Variants in FBN1 observed in about 807,000 individuals in gnomAD.
FBN1 encodes fibrillin-1.
In FBN1, 29 loss-of-function variants were observed where a neutral mutation model predicts 365.1. That is an observed-to-expected ratio of 0.08 (90% confidence interval 0.06 to 0.11). FBN1 has a LOEUF of 0.11. Ranked by LOEUF, FBN1 falls within the 10% of genes least tolerant of loss-of-function variation. The pLI, the probability that FBN1 is intolerant of heterozygous loss-of-function variation, is 1.00. For synonymous variants in FBN1, 1,210 were observed against 1,270.5 expected (o/e 0.95, Z 1.01); for missense variants, 2,476 against 3,703.2 (o/e 0.67, Z 8.60).
Position 48,445,451 on chromosome 15 carries a change from T to C in FBN1, c.5842A>G (p.Ile1948Val), listed in dbSNP as rs766850261. The change falls in exon 48 of 66, where the codon ATT becomes GTT. Residue 1948 changes from isoleucine (I) to valine (V), a missense_variant. Around this residue, in one of 5 missense-constraint regions of FBN1, gnomAD observed 1,780 missense variants for 2,840.8 expected, o/e 0.63. Coordinates refer to ENST00000316623, the MANE Select transcript of FBN1 (RefSeq NM_000138.5). Reference protein sequence around the residue: ...NGNLCRNGQCINTVGSFQCQC... With the variant: ...NGNLCRNGQCVNTVGSFQCQC... Reference sequence around the variant, plus strand: ...CACTGGAAAGACCCCACTGTATTAATGCATTGGCCATTTCTGCAAAGATTC... The same window carrying C: ...CACTGGAAAGACCCCACTGTATTAACGCATTGGCCATTTCTGCAAAGATTC... The C allele has an allele frequency of 2.3e-5, 37 of 1,612,968 alleles. No homozygotes were observed. The highest frequency in any genetic ancestry group is 4.4e-5 in the South Asian group (4 of 91,056).
At chr15:48,565,135 T>C (rs937148736) in intron 6 of FBN1, among the ~76,000 whole-genome samples, 3 of 152,116 alleles carry the variant, frequency 2.0e-5, no homozygotes, top group African/African-American at 7.2e-5. Context: ...AGAACTGAGC[T>C]TAAGGGAAAC....
chr15:48,574,380 C>T lies in FBN1; in HGVS notation c.538+21903G>A, dbSNP rs113303400. On this transcript the variant is annotated intron_variant, in intron 6 of 65. Transcript: ENST00000316623. Reference sequence around the variant, plus strand: ...CATGGATGAAGCATGGCACTGCAAACATATACTGTAGATTGTGGATTGTTG... The same window carrying T: ...CATGGATGAAGCATGGCACTGCAAATATATACTGTAGATTGTGGATTGTTG... Among the ~76,000 whole-genome samples, 190 of 152,250 alleles carry T rather than the reference C, an allele frequency of 1.2e-3. 1 individual carries two copies. The highest frequency in any genetic ancestry group is 4.4e-3 in the African/African-American group (184 of 41,540).
At chr15:48,564,774 G>C (rs1225470489) in intron 6 of FBN1, among the ~76,000 whole-genome samples, 1 of 152,134 alleles carries the variant, frequency 6.6e-6, no homozygotes, top group African/African-American at 2.4e-5. Context: ...TTAGTGGTTG[G>C]TATTTAAAAG....
rs781718760 is a variant in FBN1 at position 48,415,516 on chromosome 15, C to A, written c.8051+20G>T. On this transcript the variant is annotated intron_variant, in intron 64 of 65. Transcript: ENST00000316623. ...CGAATGAAAGAATCTCCAACCATGA[C>A]CAGGAAGAGCACTGCTTACCCTTGG... 18 of 1,555,318 alleles carry A rather than the reference C, an allele frequency of 1.2e-5. No individual in the cohort carries two copies. Among genetic ancestry groups the A allele is most frequent in the Admixed American group, 1.7e-5 (1 of 59,934 alleles).
intron 9 of FBN1, among the ~76,000 whole-genome samples, chr15:48,522,111 G>A (rs981641685): frequency 6.6e-6 from 1 of 152,206 alleles, no homozygotes; most frequent in African/African-American, 2.4e-5. Context: ...TTCCCAATGA[G>A]AATCTAATGC....
At chr15:48,526,364 G>A in intron 8 of FBN1, 109 bp from the exon 9 acceptor site, 1 of 1,224,160 alleles carries the variant, frequency 8.2e-7, no homozygotes, top group Non-Finnish European at 1.2e-6. Context: ...CCTGGAAACA[G>A]CCATCATTAA....
intron 6 of FBN1, among the ~76,000 whole-genome samples, chr15:48,589,268 T>A (rs954174344): frequency 2.0e-5 from 3 of 152,146 alleles, no homozygotes; most frequent in African/African-American, 7.2e-5. Flanking sequence ...GATGATTTCA[T>A]CTACCAGCAG....
At chr15:48,620,903 C>T (rs1889753692) in intron 2 of FBN1, among the ~76,000 whole-genome samples, 1 of 152,142 alleles carries the variant, frequency 6.6e-6, no homozygotes, top group Non-Finnish European at 1.5e-5. Context: ...CAAGCTGAAT[C>T]TGTAGCATCT....
At chr15:48,624,130 A>G (rs1229910708) in intron 2 of FBN1, among the ~76,000 whole-genome samples, 3 of 152,214 alleles carry the variant, frequency 2.0e-5, no homozygotes, top group Non-Finnish European at 4.4e-5. Flanking sequence ...ATTTAAAAAA[A>G]AAGAATTTGA....
chr15:48,468,060 C>A lies in FBN1; in HGVS notation c.4625G>T (p.Gly1542Val). ...GCTGCAGGCTGTATCTCCATTGTCT[C>A]CTCGAGGTCGAATATCCAAATAGCA... ...GNCYLDIRPR[G>V]DNGDTACSNE... The change falls in exon 38 of 66, where the codon GGA (glycine) becomes GTA (valine). Residue 1542 changes from glycine (G) to valine (V), a missense_variant. Gly to Val is a moderately radical substitution (Grantham distance 109). Transcript: ENST00000316623. 1 of 1,614,140 alleles carries A rather than the reference C, an allele frequency of 6.2e-7. No individual in the cohort carries two copies. Among genetic ancestry groups the A allele is most frequent in the Non-Finnish European group, 8.5e-7 (1 of 1,180,030 alleles).
intron 18 of FBN1, 61 bp downstream of exon 18, chr15:48,498,924 A>G (rs2141308635): frequency 1.3e-6 from 2 of 1,515,756 alleles, no homozygotes; most frequent in Admixed American, 3.3e-5. Flanking sequence ...GAAACCCACA[A>G]GAAAGCCTGA....
chr15:48,421,871 T>G, intron 61 of FBN1, 81 bp downstream of exon 61: 5 of 1,294,836 alleles, frequency 3.9e-6, no homozygotes, highest in Non-Finnish European at 5.6e-6. Flanking sequence ...TATTTTCTTA[T>G]CCCAACAGCA....
intron 6 of FBN1, among the ~76,000 whole-genome samples, chr15:48,547,995 T>G (rs2141370207): frequency 6.6e-6 from 1 of 151,802 alleles, no homozygotes; most frequent in African/African-American, 2.4e-5. Flanking sequence ...GCTGAGGGGG[T>G]GGGAGAGGCA....
intron 8 of FBN1, among the ~76,000 whole-genome samples, chr15:48,528,510 C>A (rs16961099): frequency 0.046 from 7,008 of 152,230 alleles, 439 homozygotes; most frequent in East Asian, 0.24. Context: ...TACACTGAGG[C>A]CTTCAGAAAA....
At chr15:48,630,970 A>C in intron 2 of FBN1, among the ~76,000 whole-genome samples, 1 of 152,174 alleles carries the variant, frequency 6.6e-6, no homozygotes, top group Non-Finnish European at 1.5e-5. Flanking sequence ...GCTGTGAATG[A>C]ATATGAAGCA....
intron 53 of FBN1, among the ~76,000 whole-genome samples, chr15:48,435,349 C>T (rs1381496059): frequency 4.0e-5 from 6 of 151,508 alleles, no homozygotes; most frequent in Admixed American, 6.6e-5. Flanking sequence ...CCCTATCACT[C>T]GTCAAAAGTT....
At chr15:48,422,971 A>C (rs757074765) in intron 60 of FBN1, among the ~76,000 whole-genome samples, 2 of 152,096 alleles carry the variant, frequency 1.3e-5, no homozygotes, top group Non-Finnish European at 2.9e-5. Flanking sequence ...AACAAAAAAA[A>C]CAAAAATCCA....
In FBN1 at chr15:48,459,755, C is replaced by T. The variant is rs182290736; in HGVS notation, c.5296+491G>A. Among the ~76,000 whole-genome samples, 505 of 152,292 alleles carry T rather than the reference C, an allele frequency of 3.3e-3. 6 individuals are homozygous for T. Among genetic ancestry groups the T allele is most frequent in the African/African-American group, 0.012 (485 of 41,562 alleles). ...TTCATTTACCAGGCAGGGCCTCAGA[C>T]CGAAAAGATTTTTATTTCACATCTG... On this transcript the variant is annotated intron_variant, in intron 43 of 65. Coordinates refer to ENST00000316623, the MANE Select transcript of FBN1 (RefSeq NM_000138.5).
intron 18 of FBN1, among the ~76,000 whole-genome samples, chr15:48,497,723 G>A (rs970305690): frequency 1.3e-4 from 20 of 151,994 alleles, no homozygotes; most frequent in Admixed American, 2.6e-4. Flanking sequence ...CCCAAGTCCC[G>A]ACAACTGGTC....
Sources: allele counts gnomAD v4.1 joint callset (sites outside exome capture counted in the v4.1 genomes callset), GRCh38; gene constraint gnomAD v4.1.1; regional missense constraint gnomAD v4.1.1; transcripts MANE v1.5; gene names NCBI Gene and HGNC (gene_info 2026-07-23, HGNC 2026-07-21).